Variants in SCN1B observed in about 807,000 individuals in gnomAD.
SCN1B encodes the protein sodium channel regulatory subunit beta-1.
SCN1B carries 11 observed loss-of-function variants against 25.7 expected under a neutral mutation model. The observed-to-expected ratio is 0.43, with a 90% CI of 0.27 to 0.71. The LOEUF is 0.71. Among genes scored for constraint, SCN1B ranks in the 30% least tolerant of loss-of-function variants. The pLI is 0.21. For synonymous variants in SCN1B, 119 were observed against 117.5 expected, an observed-to-expected ratio of 1.01 and a Z score of -0.08; for missense variants, 224 against 291.5, an observed-to-expected ratio of 0.77 and a Z score of 1.69.
At chr19:35,033,388 C>G in intron 2 of SCN1B, 111 bp from the exon 3 acceptor site, 1 of 1,574,592 alleles carries the variant, frequency 6.4e-7, no homozygotes, top group Non-Finnish European at 8.6e-7. Context: ...TGTCTGAGCC[C>G]ATCTGTGTGC....
chr19:35,031,952 G>A (rs1050779943), intron 1 of SCN1B, among the ~76,000 whole-genome samples: 5 of 152,148 alleles, frequency 3.3e-5, no homozygotes, highest in Non-Finnish European at 5.9e-5. Flanking sequence ...CCGGGGAGGG[G>A]ATGGCTCACA....
At chr19:35,039,594 C>G in intron 4 of SCN1B, 41 bp from the exon 5 acceptor site, 3 of 1,608,860 alleles carry the variant, frequency 1.9e-6, no homozygotes, top group Non-Finnish European at 2.6e-6. Context: ...TTGGGTCGGT[C>G]TGATGATGGG....
In SCN1B at chr19:35,032,569, A is replaced by T; in HGVS notation, c.82A>T (p.Thr28Ser). Reference protein sequence around the residue: ...CGGCVEVDSETEAVYGMTFKI... With the variant: ...CGGCVEVDSESEAVYGMTFKI... ...GGGCTGCGTGGAGGTGGACTCGGAGACCGAGGCCGTGTATGGGATGACCTT... is the reference window on the plus strand; with the variant it reads ...GGGCTGCGTGGAGGTGGACTCGGAGTCCGAGGCCGTGTATGGGATGACCTT... Residue 28 changes from threonine (T) to serine (S), a missense_variant, in exon 2 of 6, where the codon ACC becomes TCC. This residue lies in a region of SCN1B where 46 missense variants were observed against 35.8 expected (regional missense o/e 1.29). Coordinates refer to ENST00000262631, the MANE Select transcript of SCN1B (RefSeq NM_001037.5). The surrounding 1 kb of genome is among the most constrained non-coding windows in gnomAD (Gnocchi z 4.3). The T allele has an allele frequency of 1.2e-6, 2 of 1,614,066 alleles. No homozygotes were observed. The highest frequency in any genetic ancestry group is 1.7e-6 in the Non-Finnish European group (2 of 1,180,042).
chr19:35,033,852 C>A, intron 3 of SCN1B, 113 bp downstream of exon 3: 1 of 1,611,374 alleles, frequency 6.2e-7, no homozygotes, highest in Non-Finnish European at 8.5e-7. Context: ...CAGCCAACCG[C>A]CCACAGCAGC....
chr19:35,033,432 G>T, intron 2 of SCN1B, 67 bp from the exon 3 acceptor site: 2 of 1,608,520 alleles, frequency 1.2e-6, no homozygotes, highest in Non-Finnish European at 1.7e-6. Context: ...GCAGGGGACA[G>T]AATCAGGGTC....
intron 5 of SCN1B, 31 bp from the exon 6 acceptor site, chr19:35,039,766 C>T: frequency 6.6e-7 from 1 of 1,515,874 alleles, no homozygotes; most frequent in Non-Finnish European, 9.1e-7. Flanking sequence ...TCCCCCAGGT[C>T]CCTAATTCCC....
rs587781150 is a variant in SCN1B at position 35,030,781 on chromosome 19, C to G, written c.-40C>G. ...CCGCCTCTCGCCCCGCTATTAATAC[C>G]GGCGGCCCGGGAGGGGGGCGCAGCA... is the stretch of plus-strand genomic sequence containing the variant. On this transcript the variant is annotated 5_prime_UTR_variant, in exon 1 of 6. Transcript: ENST00000262631. 7.0e-5 allele frequency: 61 copies of G among 867,226 alleles called. No homozygotes were observed. Among genetic ancestry groups the G allele is most frequent in the Admixed American group, 1.1e-4 (3 of 28,488 alleles). 53.7% of individuals were successfully genotyped at this position (867,226 alleles called of 1,614,324 possible).
At position 35,032,929 on chromosome 19, in the gene SCN1B, G is replaced by A. The variant is rs2064223572; in HGVS notation, c.207+235G>A. On this transcript the variant is annotated intron_variant, in intron 2 of 5. Coordinates refer to ENST00000262631, the MANE Select transcript of SCN1B (RefSeq NM_001037.5). The surrounding 1 kb of genome is among the most constrained non-coding windows in gnomAD (Gnocchi z 4.3). Reference sequence around the variant, plus strand: ...GGGTGGCGGTGGTCTCTAGCCCATAGGTTTGTGTGAGGACTGAATGCATTG... The same window carrying A: ...GGGTGGCGGTGGTCTCTAGCCCATAAGTTTGTGTGAGGACTGAATGCATTG... Among the ~76,000 whole-genome samples, 1 of 152,156 alleles carries A rather than the reference G, an allele frequency of 6.6e-6. No individual in the cohort carries two copies.
At chr19:35,038,649 ATAATAC>A in intron 3 of SCN1B, 1 of 244,542 alleles carries the variant, frequency 4.1e-6, no homozygotes, top group Non-Finnish European at 8.2e-6. Flanking sequence ...AACAACAATA[ATAATAC>A]TAATACAAGT....
At chr19:35,037,846 C>A (rs796639011) in intron 3 of SCN1B, 71 of 152,034 alleles carry the variant, frequency 4.7e-4, no homozygotes, top group African/African-American at 1.6e-3. Context: ...GTAGTCTCCG[C>A]TACTCAGGAG....
At chr19:35,030,890 G>A in intron 1 of SCN1B, 30 bp downstream of exon 1, 1 of 458,258 alleles carries the variant, frequency 2.2e-6, no homozygotes, top group Non-Finnish European at 3.1e-6. Context: ...GCGCGGCCGG[G>A]GGGCACCGCG....
chr19:35,040,011 A>T lies in SCN1B; in HGVS notation c.*220A>T. On this transcript the variant is annotated 3_prime_UTR_variant, in exon 6 of 6. Transcript: ENST00000262631. ...CGCCGGCCGCGCACCGCCATGCATG[A>T]TGGGTAAAGCAATACTGCCGCTGCC... 2 of 406,214 alleles carry T rather than the reference A, an allele frequency of 4.9e-6. No homozygotes were observed. The highest frequency in any genetic ancestry group is 9.4e-6 in the Non-Finnish European group (2 of 213,534). The allele number at this position is 406,214 out of a possible 1,614,324, so 25.2% of individuals were successfully genotyped here. A position where few individuals can be genotyped will look rare whatever the true frequency, so the allele number is the denominator to read the frequency against.
rs771386831 is a variant in SCN1B at position 35,032,542 on chromosome 19, G to A, written c.55G>A (p.Gly19Arg). Residue 19 changes from glycine (G) to arginine (R), a missense_variant, in exon 2 of 6, where the codon GGG becomes AGG. Physicochemically the swap from Gly to Arg is moderately radical, Grantham distance 125. This residue lies in a region of SCN1B where 46 missense variants were observed against 35.8 expected (regional missense o/e 1.29). Transcript: ENST00000262631. This position sits in a 1 kb window ranked among gnomAD's most constrained non-coding sequence, Gnocchi z 4.3. Reference sequence around the variant, plus strand: ...TGTCCCCACAGTGTCCTCAGCCTGCGGGGGCTGCGTGGAGGTGGACTCGGA... The same window carrying A: ...TGTCCCCACAGTGTCCTCAGCCTGCAGGGGCTGCGTGGAGGTGGACTCGGA... Reference protein sequence around the residue: ...VGAALVSSACGGCVEVDSETE... With the variant: ...VGAALVSSACRGCVEVDSETE... 17 of 1,613,648 alleles carry A rather than the reference G, an allele frequency of 1.1e-5. No individual in the cohort carries two copies. In the South Asian group the frequency reaches 1.1e-4, roughly 10 times the overall value.
intron 3 of SCN1B, chr19:35,038,675 C>G (rs2064262917): frequency 3.8e-6 from 1 of 262,756 alleles, no homozygotes; most frequent in Non-Finnish European, 7.5e-6. Flanking sequence ...TGAACCTTCA[C>G]TGAGTGCCAT....
chr19:35,032,522 C>A lies in SCN1B; in HGVS notation c.41-6C>A. The A allele has an allele frequency of 8.7e-6, 14 of 1,613,542 alleles. No individual in the cohort carries two copies. The highest frequency in any genetic ancestry group is 1.2e-5 in the Non-Finnish European group (14 of 1,180,040). On this transcript the variant is annotated splice_polypyrimidine_tract_variant and splice_region_variant and intron_variant, in intron 1 of 5. Coordinates refer to ENST00000262631, the MANE Select transcript of SCN1B (RefSeq NM_001037.5). This position sits in a 1 kb window ranked among gnomAD's most constrained non-coding sequence, Gnocchi z 4.3. ...TCTGCCTGACCTGAGCCTGCTGTCC[C>A]CACAGTGTCCTCAGCCTGCGGGGGC...
Position 35,039,714 on chromosome 19 carries a change from G to C in SCN1B, c.*5+8G>C. 2 of 1,613,926 alleles carry C rather than the reference G, an allele frequency of 1.2e-6. No individual in the cohort carries two copies. The highest frequency in any genetic ancestry group is 1.7e-6 in the Non-Finnish European group (2 of 1,179,794). ...GGTGGCCGAATAGCCCTGGTAAGGC[G>C]GATGGGCTGGCAGAGGGGAAGGGGA... On this transcript the variant is annotated splice_region_variant and intron_variant, in intron 5 of 5. Transcript: ENST00000262631.
chr19:35,039,965 C>T lies in SCN1B; in HGVS notation c.*174C>T. The stretch of plus-strand genomic sequence containing the variant: ...GGGGCTTGGCTCGCACCCCCACTTT[C>T]GCCTCCTCCAGCTCCTGCCCCGCCG... On this transcript the variant is annotated 3_prime_UTR_variant, in exon 6 of 6. Transcript: ENST00000262631. 5 of 563,446 alleles carry T rather than the reference C, an allele frequency of 8.9e-6. No homozygotes were observed. The highest frequency in any genetic ancestry group is 3.1e-5 in the Admixed American group (1 of 32,598). The allele number at this position is 563,446 out of a possible 1,614,324, so 34.9% of individuals were successfully genotyped here.
chr19:35,033,870 G>C lies in SCN1B; in HGVS notation c.448+131G>C. On this transcript the variant is annotated intron_variant, in intron 3 of 5. Transcript: ENST00000262631. The stretch of plus-strand genomic sequence containing the variant: ...CCAACCGCCCACAGCAGCGGGCTGA[G>C]GGGGAGGGGAGCAGCCCCTCCTGCC... 1.2e-6 allele frequency: 2 copies of C among 1,607,874 alleles called. No homozygotes were observed. The highest frequency in any genetic ancestry group is 1.7e-6 in the Non-Finnish European group (2 of 1,176,616).
chr19:35,030,765 GC>G lies in SCN1B; in HGVS notation c.-52del. On this transcript the variant is annotated 5_prime_UTR_variant, in exon 1 of 6. Coordinates refer to ENST00000262631, the MANE Select transcript of SCN1B (RefSeq NM_001037.5). ...CCGCCGCCAGGTCCCGCCGCCTCTC[GC>G]CCCGCTATTAATACCGGCGGCCCGG... The G allele has an allele frequency of 3.2e-6, 2 of 631,946 alleles. No individual in the cohort carries two copies. The highest frequency in any genetic ancestry group is 4.7e-6 in the Non-Finnish European group (2 of 422,782). 39.1% of individuals were successfully genotyped at this position (631,946 alleles called of 1,614,324 possible). A position where few individuals can be genotyped will look rare whatever the true frequency, so the allele number is the denominator to read the frequency against.
Sources: allele counts gnomAD v4.1 joint callset (sites outside exome capture counted in the v4.1 genomes callset), GRCh38; gene constraint gnomAD v4.1.1; regional missense constraint gnomAD v4.1.1; non-coding constraint Gnocchi (gnomAD v3.1); transcripts MANE v1.5; gene names NCBI Gene and HGNC (gene_info 2026-07-23, HGNC 2026-07-21).